The following ZER1 variants were observed in gnomAD, a reference collection of about 807,000 sequenced individuals.
The protein encoded by ZER1 is zyg-11 related cell cycle regulator.
In ZER1, 11 loss-of-function variants were observed where a neutral mutation model predicts 78.8. That is an observed-to-expected ratio of 0.14 (90% CI 0.09 to 0.23). The LOEUF is 0.23. Among genes scored for constraint, ZER1 ranks in the 10% least tolerant of loss-of-function variants. The probability of loss-of-function intolerance (pLI) is 1.00; values close to 1 mark genes in which losing one functional copy is unlikely to be tolerated. For synonymous variants in ZER1, 400 were observed against 407.0 expected (o/e 0.98, Z 0.21); for missense variants, 588 against 996.9 (o/e 0.59, Z 5.52).
At chr9:128,770,021 C>T (rs1564414726) in intron 1 of ZER1, among the ~76,000 whole-genome samples, 1 of 152,122 alleles carries the variant, frequency 6.6e-6, no homozygotes, top group African/African-American at 2.4e-5. Flanking sequence ...AGGACAGCCC[C>T]TGATGTCTTC....
chr9:128,739,867 A>C, intron 13 of ZER1, 64 bp downstream of exon 13: 1 of 1,544,664 alleles, frequency 6.5e-7, no homozygotes, highest in Non-Finnish European at 8.8e-7. Flanking sequence ...TAATGGTATG[A>C]GCATCCTGCC....
chr9:128,772,090 G>GC (rs139171921), upstream of ZER1: 275 of 152,124 alleles, frequency 1.8e-3, 2 homozygotes, highest in Middle Eastern at 0.01. Context: ...GCCGCGGGAT[G>GC]CCCCCCCCAG....
intron 8 of ZER1, 75 bp downstream of exon 8, chr9:128,750,541 C>T: frequency 6.5e-7 from 1 of 1,546,436 alleles, no homozygotes. Flanking sequence ...GCCGGGGGAG[C>T]CCTAGCGGGA....
intron 1 of ZER1, among the ~76,000 whole-genome samples, chr9:128,768,432 G>A (rs949377838): frequency 9.2e-5 from 14 of 152,256 alleles, no homozygotes; most frequent in African/African-American, 3.4e-4. Context: ...AGAGTTAGTC[G>A]GAGGCAAGGG....
chr9:128,755,328 A>C lies in ZER1; in HGVS notation c.158+80T>G. On this transcript the variant is annotated intron_variant, in intron 2 of 15. Coordinates refer to ENST00000291900, the MANE Select transcript of ZER1 (RefSeq NM_006336.4). This position sits in a 1 kb window ranked among gnomAD's most constrained non-coding sequence, Gnocchi z 5.6. ...ATTCATCTCCATAGCTACTCCCCAC[A>C]TAGTGCACACACGGTCCCAATCTCT... The C allele has an allele frequency of 1.3e-6, 2 of 1,568,912 alleles. No homozygotes were observed. The highest frequency in any genetic ancestry group is 1.7e-6 in the Non-Finnish European group (2 of 1,146,434).
rs1862851823 is a variant in ZER1, at chr9:128,732,191, T to C, written c.2244-797A>G. The stretch of plus-strand genomic sequence containing the variant: ...CTGTCAGACAGGCCAGTGCCTCAGA[T>C]TCCCATCACAGGCCTTGGAGAAATG... On this transcript the variant is annotated intron_variant, in intron 15 of 15. Coordinates refer to ENST00000291900, the MANE Select transcript of ZER1 (RefSeq NM_006336.4). The surrounding 1 kb of genome is among the most constrained non-coding windows in gnomAD (Gnocchi z 4.8). Among the ~76,000 whole-genome samples the C allele has an allele frequency of 6.6e-6, 1 of 152,220 alleles. No individual in the cohort carries two copies. Among genetic ancestry groups the C allele is most frequent in the South Asian group, 2.1e-4 (1 of 4,832 alleles).
chr9:128,746,787 C>A (rs950438868), intron 8 of ZER1, among the ~76,000 whole-genome samples: 1 of 152,094 alleles, frequency 6.6e-6, no homozygotes, highest in South Asian at 2.1e-4. Context: ...AGGTGCCCAC[C>A]GGCACACTCA....
At chr9:128,743,984 T>C (rs1425264999) in intron 8 of ZER1, among the ~76,000 whole-genome samples, 1 of 145,200 alleles carries the variant, frequency 6.9e-6, no homozygotes, top group African/African-American at 2.5e-5. Context: ...CTGCAACCCC[T>C]GCCTGTGGCG....
rs2132377205 is a variant in ZER1 at position 128,732,803 on chromosome 9, A to C, written c.2243+623T>G. 6.5e-6 allele frequency: 1 copy of C among 152,924 alleles called. No individual in the cohort carries two copies. Among genetic ancestry groups the C allele is most frequent in the South Asian group, 2.1e-4 (1 of 4,860 alleles). 9.5% of individuals were successfully genotyped at this position (152,924 alleles called of 1,614,324 possible). On this transcript the variant is annotated intron_variant, in intron 15 of 15. Coordinates refer to ENST00000291900, the MANE Select transcript of ZER1 (RefSeq NM_006336.4). The surrounding 1 kb of genome is among the most constrained non-coding windows in gnomAD (Gnocchi z 4.8). Reference sequence around the variant, plus strand: ...CTTTTGCTCTATACAGAGCCATGAAAAAGTGTGCTCGGGTCAGCTTGACTG... The same window carrying C: ...CTTTTGCTCTATACAGAGCCATGAACAAGTGTGCTCGGGTCAGCTTGACTG...
chr9:128,734,144 A>AAATATATATATATATATATAT, intron 14 of ZER1, among the ~76,000 whole-genome samples: 4 of 14,442 alleles, frequency 2.8e-4, no homozygotes, highest in Admixed American at 3.0e-3. Context: ...AAAAAAAAAA[A>AAATATATATATATATATATAT]ATATATATAT....
At chr9:128,734,672 T>C (rs1862999015) in intron 14 of ZER1, among the ~76,000 whole-genome samples, 1 of 152,016 alleles carries the variant, frequency 6.6e-6, no homozygotes, top group African/African-American at 2.4e-5. Flanking sequence ...CCCAAACCAG[T>C]GAAACCAGTG....
At chr9:128,772,229 T>A (rs1198436190), upstream of ZER1, 1 of 152,362 alleles carries the variant, frequency 6.6e-6, no homozygotes, top group Admixed American at 6.5e-5. Context: ...ATAGCAGGAC[T>A]GACTCTGGGC....
At chr9:128,739,873 C>T in intron 13 of ZER1, 58 bp downstream of exon 13, 1 of 1,553,572 alleles carries the variant, frequency 6.4e-7, no homozygotes, top group East Asian at 2.3e-5. Context: ...TATGAGCATC[C>T]TGCCCAGCAC....
At chr9:128,744,664 A>G (rs1241449844) in intron 8 of ZER1, among the ~76,000 whole-genome samples, 1 of 150,410 alleles carries the variant, frequency 6.6e-6, no homozygotes, top group African/African-American at 2.5e-5. Flanking sequence ...TTTTTAGTAG[A>G]GACAGGGTTT....
chr9:128,750,006 G>A (rs1350405975), intron 8 of ZER1, among the ~76,000 whole-genome samples: 1 of 152,226 alleles, frequency 6.6e-6, no homozygotes, highest in Non-Finnish European at 1.5e-5. Flanking sequence ...TTGTGCCATT[G>A]CACTCCAGCC....
chr9:128,750,465 G>T (rs943832488), intron 8 of ZER1, 151 bp downstream of exon 8: 2 of 910,420 alleles, frequency 2.2e-6, no homozygotes, highest in Non-Finnish European at 3.3e-6. Flanking sequence ...ACTGTGGGAA[G>T]GGCCAGGTCC....
intron 1 of ZER1, among the ~76,000 whole-genome samples, chr9:128,765,802 C>T (rs546861144): frequency 3.3e-5 from 5 of 151,930 alleles, no homozygotes; most frequent in Admixed American, 6.6e-5. Flanking sequence ...TCCAGGTGGT[C>T]GGGAAACAGG....
At chr9:128,771,196 C>G (rs781060776) in intron 1 of ZER1, among the ~76,000 whole-genome samples, 3 of 152,140 alleles carry the variant, frequency 2.0e-5, no homozygotes, top group Non-Finnish European at 4.4e-5. Context: ...CAACCTCACC[C>G]TGTTGGATTT....
Position 128,731,283 on chromosome 9 carries a change from T to C in ZER1, c.*54A>G, listed in dbSNP as rs2132371029. On this transcript the variant is annotated 3_prime_UTR_variant, in exon 16 of 16. Transcript: ENST00000291900. ...GCCCGCCCGCTGGGCTGCTTGAGCATGCTTCCTCCCCGCCTGTGGTCCAGA... is the reference window on the plus strand; with the variant it reads ...GCCCGCCCGCTGGGCTGCTTGAGCACGCTTCCTCCCCGCCTGTGGTCCAGA... 1.3e-6 allele frequency: 2 copies of C among 1,589,278 alleles called. No homozygotes were observed. Among genetic ancestry groups the C allele is most frequent in the East Asian group, 2.2e-5 (1 of 44,594 alleles).
Sources: gnomAD v4.1 joint callset for allele counts (sites outside exome capture counted in the v4.1 genomes callset) on GRCh38, gnomAD v4.1.1 for gene constraint, Gnocchi (gnomAD v3.1) non-coding constraint, MANE v1.5 for transcripts, NCBI Gene and HGNC (gene_info 2026-07-23, HGNC 2026-07-21) for gene names.